Variants in BAHCC1 observed in about 807,000 individuals in gnomAD.
BAHCC1 encodes BAH and coiled-coil domain-containing protein 1.
Under a neutral mutation model 88.2 loss-of-function variants are expected in BAHCC1, and 43 were observed. The observed-to-expected ratio is 0.49, with a 90% CI of 0.38 to 0.63. The LOEUF (loss-of-function observed/expected upper bound fraction) is 0.63, where lower values mean the gene tolerates loss of function less well. BAHCC1 is among the 20% of genes least tolerant of loss of function. The pLI is 0.00. For synonymous variants in BAHCC1, 1,510 were observed against 745.5 expected (o/e 2.03, Z -16.71); for missense variants, 3,023 against 1,654.8 (o/e 1.83, Z -14.34).
In BAHCC1 at chr17:81,445,541, C is replaced by T. The variant is rs561399017; in HGVS notation, c.3023C>T (p.Pro1008Leu). Residue 1008 changes from proline to leucine, a missense_variant, in exon 10 of 28, where the codon CCA (proline) becomes CTA (leucine). Pro to Leu is a moderately conservative substitution (Grantham distance 98, BLOSUM62 -3). Transcript: ENST00000675386. The part of the protein sequence containing the change: ...DPKPPASSPT[P>L]PPRPSAPCTL... ...AAGCCCCCCGCCAGCTCCCCCACCCCACCACCTCGGCCCAGCGCCCCGTGC... is the reference window on the plus strand; with the variant it reads ...AAGCCCCCCGCCAGCTCCCCCACCCTACCACCTCGGCCCAGCGCCCCGTGC... The T allele has an allele frequency of 5.5e-6, 4 of 725,996 alleles. No individual in the cohort carries two copies. Among genetic ancestry groups the T allele is most frequent in the Admixed American group, 3.9e-5 (2 of 51,538 alleles). 45.0% of individuals were successfully genotyped at this position (725,996 alleles called of 1,614,324 possible).
chr17:81,436,114 A>C (rs374010458), intron 3 of BAHCC1, among the ~76,000 whole-genome samples: 12 of 99,998 alleles, frequency 1.2e-4, no homozygotes, highest in African/African-American at 2.8e-4. Flanking sequence ...CCTCCATCCC[A>C]TCTCCCCACT....
intron 3 of BAHCC1, among the ~76,000 whole-genome samples, chr17:81,432,584 C>CT (rs2064275343): frequency 1.4e-5 from 2 of 139,088 alleles, no homozygotes; most frequent in African/African-American, 5.4e-5. Context: ...CCCACCCTCC[C>CT]CTCCAGCCCT....
Position 81,458,183 on chromosome 17 carries a change from G to T in BAHCC1, c.5060G>T (p.Ser1687Ile). ...CCCACAGGGGCCTGCCGCCTGTCCA[G>T]CCCTGAGAGTGAGGTCAAGATCAAG... ...QGLLGACRLS[S>I]PESEVKIKRR... The change falls in exon 18 of 28, where the codon AGC (serine) becomes ATC (isoleucine). Residue 1687 changes from serine (S) to isoleucine (I), a missense_variant. Coordinates refer to ENST00000675386, the MANE Select transcript of BAHCC1 (RefSeq NM_001377448.1). 1 of 721,996 alleles carries T rather than the reference G, an allele frequency of 1.4e-6. No homozygotes were observed. Among genetic ancestry groups the T allele is most frequent in the Non-Finnish European group, 2.6e-6 (1 of 387,988 alleles). 44.7% of individuals were successfully genotyped at this position (721,996 alleles called of 1,614,324 possible).
intron 2 of BAHCC1, 84 bp downstream of exon 2, chr17:81,400,001 G>A: frequency 2.6e-6 from 3 of 1,140,228 alleles, no homozygotes; most frequent in East Asian, 3.5e-5. Flanking sequence ...CGGGAGCAGA[G>A]AAGCTTTGGT....
chr17:81,407,270 G>A, intron 2 of BAHCC1: 2 of 507,878 alleles, frequency 3.9e-6, no homozygotes, highest in African/African-American at 1.9e-5. Flanking sequence ...GAAGCGGAGG[G>A]TGACATTGGG....
At position 81,447,749 on chromosome 17, in the gene BAHCC1, G is replaced by A. The variant is rs1555654983; in HGVS notation, c.3877G>A (p.Val1293Ile). 4.1e-6 allele frequency: 3 copies of A among 738,626 alleles called. No individual in the cohort carries two copies. The South Asian group carries it at 4.3e-5, about 11-fold the overall frequency. 45.8% of individuals were successfully genotyped at this position (738,626 alleles called of 1,614,324 possible). A position where few individuals can be genotyped will look rare whatever the true frequency, so the allele number is the denominator to read the frequency against. The change falls in exon 11 of 28, where the codon GTC becomes ATC. Residue 1293 changes from valine to isoleucine, a missense_variant. Physicochemically the swap from Val to Ile is conservative, Grantham distance 29 (BLOSUM62 3). Transcript: ENST00000675386. ...AGCGGCCTCTGGGCCCCCCAGCACA[G>A]TCCCCCTGCCTCATAGCTCAGGGAT... ...PPAASGPPST[V>I]PLPHSSGIHG...
rs782762646 is a variant in BAHCC1 at position 81,463,680 on chromosome 17, G to A, written c.7690G>A (p.Val2564Met). The A allele has an allele frequency of 9.0e-6, 7 of 779,564 alleles. No homozygotes were observed. Among genetic ancestry groups the A allele is most frequent in the Middle Eastern group, 2.2e-4 (1 of 4,464 alleles). The allele number at this position is 779,564 out of a possible 1,614,324, so 48.3% of individuals were successfully genotyped here. ...GACCATCTCCCACAAGTGCCAGGTC[G>A]TGGCGCGCGAGCAGTATGAGCAGAT... Reference protein sequence around the residue: ...VQTISHKCQVVAREQYEQMAR... With the variant: ...VQTISHKCQVMAREQYEQMAR... Residue 2564 changes from valine (V) to methionine (M), a missense_variant, in exon 28 of 28, where the codon GTG becomes ATG. Transcript: ENST00000675386.
At chr17:81,426,126 A>ATAGTGGGGGGTGATGTGGTTGGTGGTGAT (rs2064194016) in intron 2 of BAHCC1, among the ~76,000 whole-genome samples, 2 of 3,204 alleles carry the variant, frequency 6.2e-4, no homozygotes, top group African/African-American at 9.1e-4. Context: ...TGGTGGTGAT[A>ATAGTGGGGGGTGATGTGGTTGGTGGTGAT]GTGGTTGGTG....
In BAHCC1 at chr17:81,448,297, G is replaced by C. The variant is rs1013821953; in HGVS notation, c.3976+449G>C. On this transcript the variant is annotated intron_variant, in intron 11 of 27. Coordinates refer to ENST00000675386, the MANE Select transcript of BAHCC1 (RefSeq NM_001377448.1). ...GCTCCCCGCTTCAGGCCCAGGGGAG[G>C]GGGCAGGAGGCTGGGGCTCCTGCTG... is the stretch of plus-strand genomic sequence containing the variant. 7.2e-5 allele frequency among the ~76,000 whole-genome samples: 11 copies of C among 152,294 alleles called. No homozygotes were observed. The East Asian group carries it at 2.1e-3, about 29-fold the overall frequency.
In BAHCC1 at chr17:81,442,736, C is replaced by T. The variant is rs782146993; in HGVS notation, c.1387C>T (p.Pro463Ser). ...TGGGGGCTTTGAGGCGGCCCTCAACCCCCGGCTAAAGGGCCTCGACTATCT... is the reference window on the plus strand; with the variant it reads ...TGGGGGCTTTGAGGCGGCCCTCAACTCCCGGCTAAAGGGCCTCGACTATCT... Reference protein sequence around the residue: ...RPGGFEAALNPRLKGLDYLSS... With the variant: ...RPGGFEAALNSRLKGLDYLSS... The change falls in exon 5 of 28, where the codon CCC becomes TCC. Residue 463 changes from proline to serine, a missense_variant. Pro to Ser is a moderately conservative substitution (Grantham distance 74). Coordinates refer to ENST00000675386, the MANE Select transcript of BAHCC1 (RefSeq NM_001377448.1). The T allele has an allele frequency of 6.4e-6, 5 of 777,790 alleles. No individual in the cohort carries two copies. The highest frequency in any genetic ancestry group is 3.4e-5 in the African/African-American group (2 of 59,120). 48.2% of individuals were successfully genotyped at this position (777,790 alleles called of 1,614,324 possible).
At chr17:81,404,060 A>G (rs1017707536) in intron 2 of BAHCC1, among the ~76,000 whole-genome samples, 2 of 152,168 alleles carry the variant, frequency 1.3e-5, no homozygotes, top group South Asian at 4.1e-4. Flanking sequence ...CGTCCCCCCA[A>G]ACGTTCCCCG....
At chr17:81,456,762 C>T (rs550474289) in intron 16 of BAHCC1, among the ~76,000 whole-genome samples, 177 bp downstream of exon 16, 16 of 152,184 alleles carry the variant, frequency 1.1e-4, no homozygotes, top group South Asian at 2.1e-4. Flanking sequence ...GAAGGTCTCA[C>T]GGAAGGAGAC....
chr17:81,453,416 G>GC (rs527462548), intron 14 of BAHCC1, among the ~76,000 whole-genome samples: 37 of 152,282 alleles, frequency 2.4e-4, no homozygotes, highest in Admixed American at 7.2e-4. Flanking sequence ...TGTGCGCACT[G>GC]CATCAATCCT....
intron 2 of BAHCC1, among the ~76,000 whole-genome samples, chr17:81,412,257 TGA>T (rs2063963823): frequency 6.6e-6 from 1 of 152,274 alleles, no homozygotes; most frequent in South Asian, 2.1e-4. Flanking sequence ...GTCCCCTCTC[TGA>T]GAGTTTTCAT....
In BAHCC1 at chr17:81,435,828, G is replaced by A. The variant is rs1225866989; in HGVS notation, c.359-2542G>A. Among the ~76,000 whole-genome samples, 2 of 150,386 alleles carry A rather than the reference G, an allele frequency of 1.3e-5. No individual in the cohort carries two copies. ...TGCCTTCCCCCACTCCTCAGTGGCA[G>A]CCCCTTCCAGGATGCCTGTGTGTCC... On this transcript the variant is annotated intron_variant, in intron 3 of 27. Coordinates refer to ENST00000675386, the MANE Select transcript of BAHCC1 (RefSeq NM_001377448.1). This position sits in a 1 kb window ranked among gnomAD's most constrained non-coding sequence, Gnocchi z 4.4.
intron 3 of BAHCC1, among the ~76,000 whole-genome samples, chr17:81,427,490 C>T (rs2064214089): frequency 6.6e-6 from 1 of 152,204 alleles, no homozygotes; most frequent in Admixed American, 6.5e-5. Flanking sequence ...CAGCCCTGGA[C>T]ACACAGTAGG....
chr17:81,426,113 G>A (rs2064193464), intron 2 of BAHCC1, among the ~76,000 whole-genome samples: 1 of 113,892 alleles, frequency 8.8e-6, no homozygotes, highest in Non-Finnish European at 1.9e-5. Context: ...TGGGTGATGT[G>A]GTTGGTGGTG....
chr17:81,408,014 G>A (rs2063902423), intron 2 of BAHCC1, among the ~76,000 whole-genome samples: 1 of 152,164 alleles, frequency 6.6e-6, no homozygotes, highest in African/African-American at 2.4e-5. Flanking sequence ...CCACCTGCAG[G>A]AGGGAGCAGA....
Position 81,461,848 on chromosome 17 carries a change from C to T in BAHCC1, c.7185C>T (p.Ala2395=). The part of the protein sequence containing the change: ...AHAQRCFLSR[A]TVAGTGAGSG... ...CCCAGCGCTGCTTCCTGTCCAGGGC[C>T]ACGGTGGCTGGCACCGGTGCGGGCT... The change falls in exon 26 of 28, where the codon GCC becomes GCT. Residue 2395 remains alanine, a synonymous_variant. Coordinates refer to ENST00000675386, the MANE Select transcript of BAHCC1 (RefSeq NM_001377448.1). 2 of 720,552 alleles carry T rather than the reference C, an allele frequency of 2.8e-6. No individual in the cohort carries two copies. The highest frequency in any genetic ancestry group is 5.2e-6 in the Non-Finnish European group (2 of 387,106). 44.6% of individuals were successfully genotyped at this position (720,552 alleles called of 1,614,324 possible).
Sources: allele counts gnomAD v4.1 joint callset (sites outside exome capture counted in the v4.1 genomes callset), GRCh38; gene constraint gnomAD v4.1.1; non-coding constraint Gnocchi (gnomAD v3.1); transcripts MANE v1.5; gene names NCBI Gene and HGNC (gene_info 2026-07-23, HGNC 2026-07-21).